TERB1: variants seen among roughly 807,000 people sequenced by gnomAD.
TERB1 encodes telomere repeat binding bouquet formation protein 1.
TERB1 carries 63 observed loss-of-function variants against 92.3 expected under a neutral mutation model. That is an observed-to-expected ratio of 0.68 (90% CI 0.56 to 0.84). The LOEUF is 0.84. TERB1 is among the 40% of genes least tolerant of loss of function. TERB1 has a pLI of 0.00. For synonymous variants in TERB1, 252 were observed against 283.9 expected (o/e 0.89, Z 1.13); for missense variants, 709 against 843.7 (o/e 0.84, Z 1.98).
chr16:66,776,547 A>G lies in TERB1; in HGVS notation c.985+656T>C, dbSNP rs139061878. 2.8e-4 allele frequency among the ~76,000 whole-genome samples: 43 copies of G among 152,170 alleles called. No homozygotes were observed. The East Asian group carries it at 7.4e-3, about 26-fold the overall frequency. ...AATGGAGGGAGTAGAAAGTAAGGGA[A>G]GGAAGAAAGAGTGGAAGAAGCAAGA... On this transcript the variant is annotated intron_variant, in intron 11 of 18. Transcript: ENST00000433154.
chr16:66,784,717 G>A (rs2018694513), intron 9 of TERB1, among the ~76,000 whole-genome samples: 1 of 150,262 alleles, frequency 6.7e-6, no homozygotes, highest in South Asian at 2.1e-4. Context: ...ACACTGTTTC[G>A]CAGCATCCCA....
intron 2 of TERB1, among the ~76,000 whole-genome samples, chr16:66,798,898 T>C (rs1044885771): frequency 6.6e-6 from 1 of 152,240 alleles, no homozygotes; most frequent in Non-Finnish European, 1.5e-5. Context: ...AGGACGAAGA[T>C]ACATGAGGAG....
intron 3 of TERB1, among the ~76,000 whole-genome samples, chr16:66,792,359 C>G (rs952270758): frequency 6.6e-6 from 1 of 152,124 alleles, no homozygotes; most frequent in Non-Finnish European, 1.5e-5. Context: ...TCTCTAAAAC[C>G]AGGTATAAGA....
intron 9 of TERB1, among the ~76,000 whole-genome samples, chr16:66,780,918 A>G (rs1289092395): frequency 2.0e-5 from 3 of 152,332 alleles, no homozygotes; most frequent in Non-Finnish European, 4.4e-5. Flanking sequence ...TACATCAGCA[A>G]TGTGTGAAAG....
chr16:66,758,298 T>C (rs1440828546), intron 18 of TERB1: 1 of 155,642 alleles, frequency 6.4e-6, no homozygotes, highest in Non-Finnish European at 1.4e-5. Flanking sequence ...GCAAGCAACA[T>C]GAAGGGAAGA....
chr16:66,766,007 G>A (rs1254748377), intron 16 of TERB1, among the ~76,000 whole-genome samples: 2 of 149,644 alleles, frequency 1.3e-5, no homozygotes, highest in African/African-American at 4.9e-5. Flanking sequence ...GAGTAGCTGG[G>A]ACTACAGGCG....
At chr16:66,797,622 A>ACCAC (rs1555510082) in intron 2 of TERB1, among the ~76,000 whole-genome samples, 1 of 94,404 alleles carries the variant, frequency 1.1e-5, no homozygotes, top group Non-Finnish European at 2.0e-5. Context: ...TTAAAAACAC[A>ACCAC]CCACACACAC....
At chr16:66,760,276 T>C (rs1363203218) in intron 16 of TERB1, among the ~76,000 whole-genome samples, 2 of 141,482 alleles carry the variant, frequency 1.4e-5, no homozygotes, top group African/African-American at 2.7e-5. Flanking sequence ...CTGGCCAATA[T>C]GGCGAAACCC....
Position 66,771,638 on chromosome 16 carries a change from T to TACACACAC in TERB1, c.1272+943_1272+950dup, listed in dbSNP as rs57620654. Among the ~76,000 whole-genome samples the TACACACAC allele has an allele frequency of 8.3e-4, 119 of 143,100 alleles. 1 individual carries two copies. Among genetic ancestry groups the TACACACAC allele is most frequent in the African/African-American group, 2.8e-3 (111 of 39,772 alleles). 93.9% of individuals were successfully genotyped at this position (143,100 alleles called of 152,430 possible). On this transcript the variant is annotated intron_variant, in intron 13 of 18. Transcript: ENST00000433154. ...ATATCTCATTAAAGCTGTTACAGAA[T>TACACACAC]ACACACACACACACACACACACACA...
At chr16:66,764,147 C>T (rs1400964860) in intron 16 of TERB1, among the ~76,000 whole-genome samples, 2 of 152,118 alleles carry the variant, frequency 1.3e-5, no homozygotes, top group Non-Finnish European at 2.9e-5. Flanking sequence ...GACACGATTT[C>T]ATTTGTCTTG....
intron 3 of TERB1, among the ~76,000 whole-genome samples, chr16:66,793,249 G>A (rs1815069027): frequency 1.7e-5 from 2 of 121,140 alleles, no homozygotes; most frequent in Admixed American, 1.1e-4. Flanking sequence ...ATGGAGTCTC[G>A]CTTTCTCACC....
At chr16:66,759,077 G>C in intron 17 of TERB1, 64 bp downstream of exon 17, 1 of 1,302,020 alleles carries the variant, frequency 7.7e-7, no homozygotes, top group Non-Finnish European at 1.0e-6. Flanking sequence ...TATATTTAAT[G>C]CTTTAGATAA....
chr16:66,766,900 G>C (rs2018354918), intron 16 of TERB1, among the ~76,000 whole-genome samples: 1 of 152,136 alleles, frequency 6.6e-6, no homozygotes, highest in Admixed American at 6.6e-5. Context: ...TCCAGCCTTG[G>C]CCTTCCAAAG....
Position 66,767,437 on chromosome 16 carries a change from T to C in TERB1, c.1758A>G (p.Glu586=). 6.5e-7 allele frequency: 1 copy of C among 1,529,214 alleles called. No individual in the cohort carries two copies. The allele number at this position is 1,529,214 out of a possible 1,614,324, so 94.7% of individuals were successfully genotyped here. Residue 586 remains glutamate, a synonymous_variant, in exon 16 of 19, where the codon GAA becomes GAG. Coordinates refer to ENST00000433154, the MANE Select transcript of TERB1 (RefSeq NM_001136505.2). ...TACCTGAGCACCTATACGTCAACAT[T>C]TCGGAACAACTGGGAGTTGCTAGAA... The part of the protein sequence containing the change: ...VSFLATPSCS[E]MLTYRCSGCI...
intron 16 of TERB1, among the ~76,000 whole-genome samples, chr16:66,764,678 A>C (rs748717757): frequency 6.6e-6 from 1 of 152,242 alleles, no homozygotes; most frequent in Non-Finnish European, 1.5e-5. Flanking sequence ...AAAAAAGAAC[A>C]AAATTTGATA....
chr16:66,760,450 C>T (rs2018217740), intron 16 of TERB1, among the ~76,000 whole-genome samples: 1 of 94,826 alleles, frequency 1.1e-5, no homozygotes, highest in African/African-American at 4.8e-5. Context: ...GAGCGAGACT[C>T]CATCTCAAAA....
chr16:66,767,537 T>G, intron 15 of TERB1, 27 bp from the exon 16 acceptor site: 4 of 831,444 alleles, frequency 4.8e-6, no homozygotes, highest in Non-Finnish European at 7.6e-6. Context: ...AATGAAGGAT[T>G]TTTGGATTAA....
chr16:66,799,386 C>T (rs987680935), intron 2 of TERB1, among the ~76,000 whole-genome samples: 1 of 151,998 alleles, frequency 6.6e-6, no homozygotes, highest in Non-Finnish European at 1.5e-5. Flanking sequence ...CACCACCATG[C>T]CTGGCTAATT....
chr16:66,756,358 G>A (rs1020383201), intron 18 of TERB1, among the ~76,000 whole-genome samples: 3 of 152,206 alleles, frequency 2.0e-5, no homozygotes, highest in Non-Finnish European at 2.9e-5. Flanking sequence ...CAGTGTAAAT[G>A]TCTGATTATT....
Sources: gnomAD v4.1 joint callset for allele counts (sites outside exome capture counted in the v4.1 genomes callset) on GRCh38, gnomAD v4.1.1 for gene constraint, MANE v1.5 for transcripts, NCBI Gene and HGNC (gene_info 2026-07-23, HGNC 2026-07-21) for gene names.